The following BCAR3 variants were observed in gnomAD, a reference collection of about 807,000 sequenced individuals.
The protein encoded by BCAR3 is breast cancer anti-estrogen resistance protein 3.
A neutral mutation model predicts 80.1 loss-of-function variants in BCAR3; 37 were observed. That is an observed-to-expected ratio of 0.46 (90% CI 0.36 to 0.61). The LOEUF is 0.61. Ranked by LOEUF, BCAR3 falls within the 20% of genes least tolerant of loss-of-function variation. BCAR3 has a pLI of 0.00. For synonymous variants in BCAR3, 389 were observed against 418.9 expected, an observed-to-expected ratio of 0.93 and a Z score of 0.87; for missense variants, 978 against 1,068.2, an observed-to-expected ratio of 0.92 and a Z score of 1.18.
intron 2 of BCAR3, among the ~76,000 whole-genome samples, chr1:93,759,324 T>C (rs757511325): frequency 1.3e-5 from 2 of 152,216 alleles, no homozygotes; most frequent in Admixed American, 1.3e-4. Context: ...AACCCTCCAG[T>C]GTCCGGCTAA....
chr1:93,754,536 T>C (rs1651682156), intron 2 of BCAR3, among the ~76,000 whole-genome samples: 1 of 152,218 alleles, frequency 6.6e-6, no homozygotes, highest in African/African-American at 2.4e-5. Context: ...ATTGTGCAGA[T>C]GAAGAATCAG....
At chr1:93,722,957 A>T (rs1433459437) in intron 2 of BCAR3, among the ~76,000 whole-genome samples, 1 of 152,166 alleles carries the variant, frequency 6.6e-6, no homozygotes, top group Non-Finnish European at 1.5e-5. Flanking sequence ...GGTTGAGATG[A>T]TGTCAGTAAA....
At chr1:93,675,300 A>G (rs1260111248) in intron 1 of BCAR3, among the ~76,000 whole-genome samples, 1 of 152,248 alleles carries the variant, frequency 6.6e-6, no homozygotes, top group East Asian at 1.9e-4. Context: ...AAACTGTTAG[A>G]TAATTAGCTC....
At chr1:93,719,498 G>T (rs1379417958) in intron 2 of BCAR3, among the ~76,000 whole-genome samples, 1 of 151,488 alleles carries the variant, frequency 6.6e-6, no homozygotes, top group Non-Finnish European at 1.5e-5. Context: ...CCACCACCAC[G>T]CCCGGCTAAT....
intron 11 of BCAR3, among the ~76,000 whole-genome samples, chr1:93,563,554 G>A (rs1412425193): frequency 6.6e-6 from 1 of 152,090 alleles, no homozygotes; most frequent in Non-Finnish European, 1.5e-5. Context: ...GAATTATTGG[G>A]TCATACAATC....
chr1:93,814,737 C>T (rs1313428197), intron 2 of BCAR3, among the ~76,000 whole-genome samples: 1 of 152,190 alleles, frequency 6.6e-6, no homozygotes, highest in Non-Finnish European at 1.5e-5. Context: ...CTGATGATGC[C>T]CCTGTGAGAC....
chr1:93,778,995 A>G (rs1358354231), intron 2 of BCAR3, among the ~76,000 whole-genome samples: 3 of 152,190 alleles, frequency 2.0e-5, no homozygotes, highest in Non-Finnish European at 4.4e-5. Flanking sequence ...TACTAATCTC[A>G]GGTTCTGATA....
chr1:93,776,149 T>C (rs1652537846), intron 2 of BCAR3, among the ~76,000 whole-genome samples: 1 of 152,082 alleles, frequency 6.6e-6, no homozygotes, highest in Non-Finnish European at 1.5e-5. Context: ...GAGGGAGGTA[T>C]CCTCAGCAGT....
At chr1:93,742,028 A>T (rs138705259) in intron 2 of BCAR3, among the ~76,000 whole-genome samples, 269 of 152,314 alleles carry the variant, frequency 1.8e-3, no homozygotes, top group African/African-American at 6.3e-3. Context: ...TGCCTCCACC[A>T]CATGGTGTTT....
In BCAR3 at chr1:93,674,790, T is replaced by C; in HGVS notation, c.141A>G (p.Ile47Met). The C allele has an allele frequency of 1.2e-6, 2 of 1,611,636 alleles. No individual in the cohort carries two copies. Among genetic ancestry groups the C allele is most frequent in the Non-Finnish European group, 1.7e-6 (2 of 1,179,326 alleles). Residue 47 changes from isoleucine (I) to methionine (M), a missense_variant, in exon 2 of 12, where the codon ATA becomes ATG. Transcript: ENST00000260502. ...HRPDAYQDVS[I>M]HGTLPRKKKG... ...TTTTCTTCCGTGGAAGGGTGCCATG[T>C]ATAGACACATCTTGATAGGCATCTG... is the stretch of plus-strand genomic sequence containing the variant.
chr1:93,714,270 C>T (rs1050084849), intron 2 of BCAR3, among the ~76,000 whole-genome samples: 4 of 152,192 alleles, frequency 2.6e-5, no homozygotes, highest in Non-Finnish European at 4.4e-5. Context: ...CGTGAGCCAC[C>T]GCGCCCGGCC....
intron 3 of BCAR3, among the ~76,000 whole-genome samples, chr1:93,627,293 A>G (rs796520085): frequency 1.3e-5 from 2 of 152,356 alleles, no homozygotes; most frequent in African/African-American, 4.8e-5. Context: ...TCAAATTGCA[A>G]GAGAGATCCA....
At chr1:93,759,286 A>G (rs975164989) in intron 2 of BCAR3, among the ~76,000 whole-genome samples, 12 of 152,200 alleles carry the variant, frequency 7.9e-5, no homozygotes, top group Admixed American at 3.9e-4. Flanking sequence ...CTCTTTCTCT[A>G]CCCTTCACAA....
intron 3 of BCAR3, among the ~76,000 whole-genome samples, chr1:93,608,003 G>C (rs913692386): frequency 6.6e-6 from 1 of 152,180 alleles, no homozygotes; most frequent in Non-Finnish European, 1.5e-5. Context: ...TGAATCAATG[G>C]CTTCTGAGTC....
chr1:93,626,673 T>C (rs148919940), intron 3 of BCAR3, among the ~76,000 whole-genome samples: 6 of 152,292 alleles, frequency 3.9e-5, no homozygotes, highest in Admixed American at 3.9e-4. Context: ...GCTCAAAGAA[T>C]TGAAGAAAAA....
chr1:93,788,765 T>C (rs977183493), intron 2 of BCAR3, among the ~76,000 whole-genome samples: 1 of 152,154 alleles, frequency 6.6e-6, no homozygotes, highest in Non-Finnish European at 1.5e-5. Flanking sequence ...AATATTCCTA[T>C]AACTTCATTT....
Position 93,846,626 on chromosome 1 carries a change from A to T in BCAR3, c.-209+444T>A, listed in dbSNP as rs531962680. Among the ~76,000 whole-genome samples the T allele has an allele frequency of 3.4e-4, 52 of 151,596 alleles. 1 individual carries two copies. The highest frequency in any genetic ancestry group is 1.4e-3 in the Admixed American group (22 of 15,256). ...CCCCACCGCTCGCAGCCACCAGGAAACCCCGCGGCCGCGCTCGAGCGCGCG... is the reference window on the plus strand; with the variant it reads ...CCCCACCGCTCGCAGCCACCAGGAATCCCCGCGGCCGCGCTCGAGCGCGCG... On this transcript the variant is annotated intron_variant, in intron 1 of 13. Coordinates refer to the BCAR3 transcript ENST00000370244.
intron 9 of BCAR3, 124 bp from the exon 10 acceptor site, chr1:93,567,975 T>G: frequency 1.4e-6 from 1 of 695,948 alleles, no homozygotes; most frequent in Non-Finnish European, 2.5e-6. Context: ...TCACTTGAGG[T>G]CAGGAGTTCA....
At chr1:93,793,335 G>T (rs200819313) in intron 2 of BCAR3, among the ~76,000 whole-genome samples, 1 of 57,154 alleles carries the variant, frequency 1.7e-5, no homozygotes, top group Non-Finnish European at 2.9e-5. Flanking sequence ...TTTCAGAGCC[G>T]GTTATTGGTC....
Sources: gnomAD v4.1 joint callset for allele counts (sites outside exome capture counted in the v4.1 genomes callset) on GRCh38, gnomAD v4.1.1 for gene constraint, MANE v1.5 for transcripts, NCBI Gene and HGNC (gene_info 2026-07-23, HGNC 2026-07-21) for gene names.